Variants in SDK1 observed in about 807,000 individuals in gnomAD.
SDK1 encodes the protein protein sidekick-1.
A neutral mutation model predicts 245.5 loss-of-function variants in SDK1; 157 were observed. The observed-to-expected ratio is 0.64, with a 90% confidence interval of 0.56 to 0.73. The LOEUF (loss-of-function observed/expected upper bound fraction) is 0.73. SDK1 is among the 30% of genes least tolerant of loss of function. The pLI is 0.00. For synonymous variants in SDK1, 1,647 were observed against 1,278.5 expected, an observed-to-expected ratio of 1.29 and a Z score of -6.15; for missense variants, 3,583 against 3,002.3, an observed-to-expected ratio of 1.19 and a Z score of -4.52.
rs558765411 is a variant in SDK1, at chr7:3,501,216, C to G, written c.299-117864C>G. On this transcript the variant is annotated intron_variant, in intron 1 of 44. Coordinates refer to ENST00000404826, the MANE Select transcript of SDK1 (RefSeq NM_152744.4). ...TTCTTGGGGTAACTTTTGTCAGTAT[C>G]TTTTCTTAGTATCTTTAGAGAATTC... Among the ~76,000 whole-genome samples, 13 of 152,134 alleles carry G rather than the reference C, an allele frequency of 8.5e-5. 1 individual carries two copies. The South Asian group carries it at 2.3e-3, about 27-fold the overall frequency.
chr7:3,386,142 A>C (rs1182550052), intron 1 of SDK1, among the ~76,000 whole-genome samples: 3 of 152,232 alleles, frequency 2.0e-5, no homozygotes, highest in African/African-American at 7.2e-5. Flanking sequence ...AACTTTAAAA[A>C]AAATTGGATA....
intron 1 of SDK1, among the ~76,000 whole-genome samples, chr7:3,555,130 C>G (rs921398483): frequency 2.0e-5 from 3 of 151,984 alleles, no homozygotes; most frequent in Admixed American, 2.0e-4. Flanking sequence ...ACAAATTTAT[C>G]CTAAACAAAA....
chr7:3,457,170 C>T (rs377101086), intron 1 of SDK1, among the ~76,000 whole-genome samples: 7 of 152,126 alleles, frequency 4.6e-5, no homozygotes, highest in African/African-American at 1.2e-4. Context: ...CTGTTTGGTC[C>T]GGGCAAGGAG....
At position 4,083,180 on chromosome 7, in the gene SDK1, A is replaced by AC. The variant is rs111698130; in HGVS notation, c.3324+3598dup. Among the ~76,000 whole-genome samples, 194 of 152,250 alleles carry AC rather than the reference A, an allele frequency of 1.3e-3. 2 individuals carry two copies. The highest frequency in any genetic ancestry group is 4.5e-3 in the African/African-American group (185 of 41,538). On this transcript the variant is annotated intron_variant, in intron 22 of 44. Coordinates refer to ENST00000404826, the MANE Select transcript of SDK1 (RefSeq NM_152744.4). ...TTGACTTAGCTACACATATACACAC[A>AC]CCTGGGAAGCTGTGACCACAGATGA...
At chr7:3,889,883 A>G (rs113926193) in intron 5 of SDK1, among the ~76,000 whole-genome samples, 2,657 of 152,276 alleles carry the variant, frequency 0.017, 81 homozygotes, top group African/African-American at 0.06. Context: ...TTCCAAGGCC[A>G]GTCAACCTCT....
At chr7:4,075,229 C>G (rs1040223479) in intron 20 of SDK1, among the ~76,000 whole-genome samples, 1 of 152,204 alleles carries the variant, frequency 6.6e-6, no homozygotes, top group East Asian at 1.9e-4. Context: ...CCTTGGAGCT[C>G]CCCACTGCGT....
chr7:3,419,519 T>A (rs1779478147), intron 1 of SDK1, among the ~76,000 whole-genome samples: 1 of 152,140 alleles, frequency 6.6e-6, no homozygotes, highest in African/African-American at 2.4e-5. Context: ...GGGTTGCTGT[T>A]TCGAAAGTAT....
intron 4 of SDK1, among the ~76,000 whole-genome samples, chr7:3,646,651 A>C (rs754404221): frequency 2.0e-5 from 3 of 152,164 alleles, no homozygotes; most frequent in Non-Finnish European, 4.4e-5. Flanking sequence ...ATTGGCTGAT[A>C]ATTTTTTATG....
Position 4,083,029 on chromosome 7 carries a change from T to A in SDK1, c.3324+3445T>A, listed in dbSNP as rs1203428684. Among the ~76,000 whole-genome samples, 4 of 152,120 alleles carry A rather than the reference T, an allele frequency of 2.6e-5. No homozygotes were observed. The East Asian group carries it at 7.7e-4, about 29-fold the overall frequency. On this transcript the variant is annotated intron_variant, in intron 22 of 44. Transcript: ENST00000404826. Reference sequence around the variant, plus strand: ...TGATAAAAGTAGGATTCACGCAGGGTTCACACTATTCATTTTGTTGTCATG... The same window carrying A: ...TGATAAAAGTAGGATTCACGCAGGGATCACACTATTCATTTTGTTGTCATG...
Position 3,419,789 on chromosome 7 carries a change from TTA to T in SDK1, c.298+117906_298+117907del, listed in dbSNP as rs545490998. 1.8e-3 allele frequency among the ~76,000 whole-genome samples: 272 copies of T among 152,350 alleles called. 2 individuals are homozygous for T. The highest frequency in any genetic ancestry group is 5.6e-3 in the Admixed American group (86 of 15,310). ...AGTGTTCAAGAAATGCCCTATGCTA[TTA>T]ACAGAGAATTAACAGGTTTCTCTAA... On this transcript the variant is annotated intron_variant, in intron 1 of 44. Coordinates refer to ENST00000404826, the MANE Select transcript of SDK1 (RefSeq NM_152744.4).
chr7:3,925,412 G>A (rs190130145), intron 5 of SDK1, among the ~76,000 whole-genome samples: 7 of 152,342 alleles, frequency 4.6e-5, no homozygotes, highest in African/African-American at 1.7e-4. Context: ...GCATGCTTGG[G>A]TTCCCTGCTC....
At chr7:3,743,708 G>T (rs910697418) in intron 4 of SDK1, among the ~76,000 whole-genome samples, 2 of 152,138 alleles carry the variant, frequency 1.3e-5, no homozygotes, top group African/African-American at 4.8e-5. Flanking sequence ...GTAGATGTCG[G>T]AGGAGGAGGA....
intron 1 of SDK1, among the ~76,000 whole-genome samples, chr7:3,403,560 G>C (rs908367654): frequency 6.6e-6 from 1 of 151,642 alleles, no homozygotes; most frequent in East Asian, 1.9e-4. Flanking sequence ...AAGTTTATTT[G>C]CACCTATGAG....
At chr7:3,527,180 A>C (rs1383978935) in intron 1 of SDK1, among the ~76,000 whole-genome samples, 3 of 152,226 alleles carry the variant, frequency 2.0e-5, no homozygotes, top group African/African-American at 7.2e-5. Flanking sequence ...CAGCATAGCA[A>C]ATATTTTCCA....
At chr7:3,624,792 TCCCAGCAC>T (rs1782063064) in intron 2 of SDK1, among the ~76,000 whole-genome samples, 1 of 152,024 alleles carries the variant, frequency 6.6e-6, no homozygotes, top group Non-Finnish European at 1.5e-5. Context: ...ACACCTGTAA[TCCCAGCAC>T]TTTGGGAGGC....
At chr7:3,370,125 A>C (rs1192919104) in intron 1 of SDK1, among the ~76,000 whole-genome samples, 1 of 152,230 alleles carries the variant, frequency 6.6e-6, no homozygotes, top group Non-Finnish European at 1.5e-5. Flanking sequence ...TGTGAATGGA[A>C]AGATGTACAT....
intron 37 of SDK1, among the ~76,000 whole-genome samples, chr7:4,209,481 C>G (rs988970801): frequency 1.3e-4 from 20 of 152,202 alleles, no homozygotes; most frequent in African/African-American, 4.3e-4. Context: ...TTCAGTAGCT[C>G]TAGATATTTC....
chr7:3,488,311 T>C (rs925881471), intron 1 of SDK1, among the ~76,000 whole-genome samples: 1 of 152,204 alleles, frequency 6.6e-6, no homozygotes, highest in Non-Finnish European at 1.5e-5. Context: ...TTTAACTTCT[T>C]TTTTTGATAT....
chr7:3,406,908 CT>C (rs752124744), intron 1 of SDK1, among the ~76,000 whole-genome samples: 100 of 151,886 alleles, frequency 6.6e-4, no homozygotes, highest in Non-Finnish European at 1.1e-3. Context: ...AAGCAGTCTA[CT>C]TTTTTACTCA....
Sources: gnomAD v4.1 joint callset for allele counts (sites outside exome capture counted in the v4.1 genomes callset) on GRCh38, gnomAD v4.1.1 for gene constraint, MANE v1.5 for transcripts, NCBI Gene and HGNC (gene_info 2026-07-23, HGNC 2026-07-21) for gene names.